Variants in OR52I2 observed in about 807,000 individuals in gnomAD.
OR52I2 encodes olfactory receptor 52I2.
For missense variants in OR52I2, 350 were observed against 402.4 expected (o/e 0.87, Z 1.11); for synonymous variants, 147 against 151.9 (o/e 0.97, Z 0.24).
chr11:4,582,433 CATTTTTT>C (rs141249218), intron 1 of OR52I2, among the ~76,000 whole-genome samples: 6 of 74,664 alleles, frequency 8.0e-5, no homozygotes, highest in African/African-American at 2.2e-4. Context: ...ATTTATTTTT[CATTTTTT>C]TTTTTTTTTT....
exon 2 of OR52I2, chr11:4,591,858 A>C (rs1349288754): frequency 6.6e-6 from 1 of 152,210 alleles, no homozygotes; most frequent in African/African-American, 2.4e-5. Flanking sequence ...GAAGAAAAAA[A>C]AATAGCAACA....
intron 1 of OR52I2, among the ~76,000 whole-genome samples, chr11:4,583,796 T>C (rs2566254): frequency 1.3e-5 from 2 of 152,112 alleles, no homozygotes; most frequent in African/African-American, 4.8e-5. Context: ...TGTCCAAGAA[T>C]TTTGGCTTTT....
intron 1 of OR52I2, 86 bp downstream of exon 1, chr11:4,581,950 C>T (rs1846260956): frequency 6.6e-6 from 1 of 152,172 alleles, no homozygotes; most frequent in African/African-American, 2.4e-5. Flanking sequence ...TGGGTCACCC[C>T]AGAATGAAAG....
exon 1 of OR52I2, chr11:4,581,846 T>C (rs980210951): frequency 5.9e-5 from 9 of 152,198 alleles, no homozygotes; most frequent in Admixed American, 2.0e-4. Flanking sequence ...GAAAGTTGAA[T>C]AGAGAAGATT....
At chr11:4,584,251 T>G (rs1205126888) in intron 1 of OR52I2, among the ~76,000 whole-genome samples, 1 of 152,212 alleles carries the variant, frequency 6.6e-6, no homozygotes, top group African/African-American at 2.4e-5. Context: ...TATATATGAC[T>G]ACTGTTACGT....
exon 2 of OR52I2, chr11:4,587,916 G>A: frequency 1.4e-6 from 2 of 1,453,928 alleles, no homozygotes; most frequent in Non-Finnish European, 1.9e-6. Flanking sequence ...TTAGAGATCT[G>A]CAGAGCTTAG....
chr11:4,585,289 A>T (rs1044890218), intron 1 of OR52I2, among the ~76,000 whole-genome samples: 1 of 152,158 alleles, frequency 6.6e-6, no homozygotes, highest in Non-Finnish European at 1.5e-5. Context: ...GAAGAAAAAA[A>T]CCTAGGGGTT....
At chr11:4,586,689 A>G in intron 1 of OR52I2, 183 bp from the exon 2 acceptor site, 1 of 806,726 alleles carries the variant, frequency 1.2e-6, no homozygotes, top group Non-Finnish European at 1.9e-6. Context: ...CAATGAATAC[A>G]AATTTGGAAG....
chr11:4,587,767 A>G lies in OR52I2; in HGVS notation c.877A>G (p.Asn293Asp), dbSNP rs765195663. ...GTACGTGATCATCCCAGCCACCTTA[A>G]ATCCCATCATCTATGGCATGAGGAC... Residue 293 changes from asparagine to aspartate, a missense_variant, in exon 2 of 2, where the codon AAT becomes GAT. By Grantham distance (23) the Asn-to-Asp change is conservative. Transcript: ENST00000641896. 1.9e-6 allele frequency: 3 copies of G among 1,614,004 alleles called. No homozygotes were observed. In the African/African-American group the frequency reaches 4.0e-5, roughly 22 times the overall value.
chr11:4,591,973 G>A (rs12146686), exon 2 of OR52I2: 1 of 152,104 alleles, frequency 6.6e-6, no homozygotes, highest in Non-Finnish European at 1.5e-5. Flanking sequence ...CAGCCACTGG[G>A]TGAGACATCT....
At chr11:4,588,034 G>A in exon 2 of OR52I2, 2 of 632,706 alleles carry the variant, frequency 3.2e-6, no homozygotes, top group South Asian at 2.1e-5. Flanking sequence ...TTTTCTGAGG[G>A]CTTTCTCAGT....
exon 2 of OR52I2, chr11:4,589,497 C>A (rs76053052): frequency 0.051 from 7,780 of 152,188 alleles, 202 homozygotes; most frequent in Non-Finnish European, 0.063. Context: ...GGCCAGATCA[C>A]CCCAGAATAG....
exon 2 of OR52I2, chr11:4,587,776 A>G (rs758288077): frequency 5.0e-6 from 8 of 1,614,154 alleles, no homozygotes; most frequent in Middle Eastern, 3.3e-4. Context: ...AAATCCCATC[A>G]TCTATGGCAT....
At chr11:4,586,214 T>C (rs945001864) in intron 1 of OR52I2, among the ~76,000 whole-genome samples, 2 of 152,206 alleles carry the variant, frequency 1.3e-5, no homozygotes, top group Admixed American at 6.5e-5. Context: ...AATGATCTTA[T>C]TTTTCCCAAC....
intron 1 of OR52I2, among the ~76,000 whole-genome samples, chr11:4,586,480 CT>C (rs1347216805): frequency 6.6e-6 from 1 of 152,100 alleles, no homozygotes; most frequent in Admixed American, 6.6e-5. Context: ...GGATTACACC[CT>C]TTGTATAAGA....
exon 2 of OR52I2, chr11:4,589,361 CTCT>C (rs1032317822): frequency 6.6e-6 from 1 of 152,186 alleles, no homozygotes; most frequent in Non-Finnish European, 1.5e-5. Context: ...GTATTAACCC[CTCT>C]TCTTTTGCGT....
At chr11:4,585,101 A>G (rs1439121397) in intron 1 of OR52I2, among the ~76,000 whole-genome samples, 1 of 152,188 alleles carries the variant, frequency 6.6e-6, no homozygotes, top group Non-Finnish European at 1.5e-5. Context: ...GTGCGTTTAC[A>G]TAATTTGACT....
exon 2 of OR52I2, chr11:4,592,869 T>A (rs1846362257): frequency 6.6e-6 from 1 of 152,216 alleles, no homozygotes. Flanking sequence ...TCATCAAACG[T>A]GGCCAAGTGA....
At chr11:4,587,254 A>G (rs1177564554) in exon 2 of OR52I2, 1 of 1,613,936 alleles carries the variant, frequency 6.2e-7, no homozygotes, top group African/African-American at 1.3e-5. Flanking sequence ...GCTGCTGACC[A>G]TGGCTTTTGA....
Sources: allele counts gnomAD v4.1 joint callset (sites outside exome capture counted in the v4.1 genomes callset), GRCh38; gene constraint gnomAD v4.1.1; transcripts MANE v1.5; gene names NCBI Gene and HGNC (gene_info 2026-07-23, HGNC 2026-07-21).